The following SOS1 variants were observed in gnomAD, a reference collection of about 807,000 sequenced individuals.
SOS1 encodes the protein SOS Ras/Rac guanine nucleotide exchange factor 1, also known as son of sevenless homolog 1.
SOS1 carries 25 observed loss-of-function variants against 157.6 expected under a neutral mutation model. The observed-to-expected ratio is 0.16, with a 90% CI of 0.12 to 0.22. SOS1 has a LOEUF of 0.22. Among genes scored for constraint, SOS1 ranks in the 10% least tolerant of loss-of-function variants. The probability of loss-of-function intolerance (pLI) is 1.00; values close to 1 mark genes in which losing one functional copy is unlikely to be tolerated. For missense variants in SOS1, 1,237 were observed against 1,599.1 expected (o/e 0.77, Z 3.86); for synonymous variants, 528 against 534.0 (o/e 0.99, Z 0.16).
At chr2:39,077,202 G>GT (rs1251264712) in intron 1 of SOS1, among the ~76,000 whole-genome samples, 3 of 151,950 alleles carry the variant, frequency 2.0e-5, no homozygotes, top group African/African-American at 7.3e-5. Context: ...AATTAACTGG[G>GT]TGTGGTGGTG....
chr2:38,988,687 G>T (rs1174110749), intron 21 of SOS1, among the ~76,000 whole-genome samples: 1 of 151,932 alleles, frequency 6.6e-6, no homozygotes, highest in African/African-American at 2.4e-5. Flanking sequence ...TGTATGAAAG[G>T]ACAGCAAAAA....
At chr2:39,014,085 A>G in intron 11 of SOS1, 96 bp from the exon 12 acceptor site, 1 of 859,488 alleles carries the variant, frequency 1.2e-6, no homozygotes, top group Non-Finnish European at 1.9e-6. Context: ...CAAAATCAAG[A>G]GAATACTGTA....
chr2:38,994,308 T>C (rs1668824983), intron 20 of SOS1, among the ~76,000 whole-genome samples: 1 of 152,190 alleles, frequency 6.6e-6, no homozygotes, highest in Non-Finnish European at 1.5e-5. Flanking sequence ...CATATTTCTA[T>C]AGGACAGTGC....
Position 39,120,510 on chromosome 2 carries a change from A to G in SOS1, c.-88T>C. 1 of 1,209,490 alleles carries G rather than the reference A, an allele frequency of 8.3e-7. No individual in the cohort carries two copies. Among genetic ancestry groups the G allele is most frequent in the Non-Finnish European group, 1.0e-6 (1 of 972,586 alleles). 74.9% of individuals were successfully genotyped at this position (1,209,490 alleles called of 1,614,324 possible). Reference sequence around the variant, plus strand: ...AGAGGGCGAGCTCGCAGCGCGGAACAGGGCCGCGGCCCCACCGGACGGCCC... The same window carrying G: ...AGAGGGCGAGCTCGCAGCGCGGAACGGGGCCGCGGCCCCACCGGACGGCCC... On this transcript the variant is annotated 5_prime_UTR_variant, in exon 1 of 23. Coordinates refer to ENST00000402219, the MANE Select transcript of SOS1 (RefSeq NM_005633.4).
chr2:39,011,995 C>G, intron 14 of SOS1, 131 bp downstream of exon 14: 1 of 726,596 alleles, frequency 1.4e-6, no homozygotes, highest in South Asian at 1.5e-5. Context: ...CCTGCCTGGC[C>G]TTATTACTAG....
intron 6 of SOS1, among the ~76,000 whole-genome samples, chr2:39,050,661 C>G (rs969622832): frequency 6.6e-6 from 1 of 152,112 alleles, no homozygotes; most frequent in Non-Finnish European, 1.5e-5. Flanking sequence ...GATTTTGGAG[C>G]ATTTCATATT....
chr2:39,111,125 C>A (rs1468726931), intron 1 of SOS1, among the ~76,000 whole-genome samples: 1 of 152,008 alleles, frequency 6.6e-6, no homozygotes, highest in Non-Finnish European at 1.5e-5. Context: ...CCCAGCTAAT[C>A]GGGAGGCTGA....
At chr2:39,075,527 C>T (rs924290334) in intron 1 of SOS1, among the ~76,000 whole-genome samples, 12 of 151,668 alleles carry the variant, frequency 7.9e-5, no homozygotes, top group Non-Finnish European at 1.3e-4. Context: ...TTGAAAGTCA[C>T]GTGTGGTGGT....
At chr2:39,062,286 T>G (rs186353927) in intron 2 of SOS1, among the ~76,000 whole-genome samples, 31 of 151,596 alleles carry the variant, frequency 2.0e-4, no homozygotes, top group Middle Eastern at 3.4e-3. Flanking sequence ...AGCATGGTGG[T>G]GCTCGCTTGT....
chr2:39,117,564 T>C (rs1349415910), intron 1 of SOS1, among the ~76,000 whole-genome samples: 1 of 152,186 alleles, frequency 6.6e-6, no homozygotes, highest in Non-Finnish European at 1.5e-5. Flanking sequence ...CAAATATCAA[T>C]TGCTGTTAAT....
intron 8 of SOS1, among the ~76,000 whole-genome samples, chr2:39,028,371 C>CA (rs1670042073): frequency 6.6e-6 from 1 of 152,086 alleles, no homozygotes; most frequent in South Asian, 2.1e-4. Flanking sequence ...GACTAAAACT[C>CA]AAGAGTGTTT....
chr2:39,076,599 T>C (rs1289471259), intron 1 of SOS1, among the ~76,000 whole-genome samples: 1 of 152,102 alleles, frequency 6.6e-6, no homozygotes, highest in African/African-American at 2.4e-5. Context: ...CTAACAAATA[T>C]ACAAGCAAAA....
chr2:39,076,701 T>C (rs1672012328), intron 1 of SOS1, among the ~76,000 whole-genome samples: 1 of 152,054 alleles, frequency 6.6e-6, no homozygotes, highest in Non-Finnish European at 1.5e-5. Context: ...AATAGTGCAA[T>C]ACTAAAAGAA....
intron 6 of SOS1, 50 bp downstream of exon 6, chr2:39,051,094 A>T (rs749078292): frequency 1.3e-6 from 2 of 1,560,648 alleles, no homozygotes; most frequent in Non-Finnish European, 1.8e-6. Flanking sequence ...ATTTTAATGT[A>T]AATGTAGGCT....
intron 14 of SOS1, 77 bp downstream of exon 14, chr2:39,012,049 A>G (rs1669489454): frequency 9.3e-7 from 1 of 1,071,234 alleles, no homozygotes; most frequent in Non-Finnish European, 1.5e-6. Flanking sequence ...AAAACCCTAT[A>G]AGGCAGAAAT....
In SOS1 at chr2:39,120,564, C is replaced by T. The variant is rs1673840188; in HGVS notation, c.-142G>A. 2 of 988,440 alleles carry T rather than the reference C, an allele frequency of 2.0e-6. No individual in the cohort carries two copies. Among genetic ancestry groups the T allele is most frequent in the African/African-American group, 3.5e-5 (2 of 57,228 alleles). 61.2% of individuals were successfully genotyped at this position (988,440 alleles called of 1,614,324 possible). ...CCCCTCCGGGCGCCGCGCAGCCGGG[C>T]TAGCCCTGGCGAGGGGGCTGGGGGG... On this transcript the variant is annotated 5_prime_UTR_variant, in exon 1 of 23. The change abolishes the stop of an existing upstream ORF in the 5' untranslated region. Transcript: ENST00000402219.
chr2:39,045,024 T>C (rs1406260311), intron 6 of SOS1, among the ~76,000 whole-genome samples: 1 of 152,208 alleles, frequency 6.6e-6, no homozygotes, highest in Admixed American at 6.5e-5. Flanking sequence ...CTATCTAATA[T>C]AATGTACGTT....
chr2:39,016,423 T>A (rs1008087112), intron 10 of SOS1, among the ~76,000 whole-genome samples: 2 of 152,132 alleles, frequency 1.3e-5, no homozygotes, highest in African/African-American at 4.8e-5. Flanking sequence ...TCCTCAAAAG[T>A]TAAAGACTAA....
chr2:39,101,672 T>A (rs1672971742), intron 1 of SOS1, among the ~76,000 whole-genome samples: 1 of 150,168 alleles, frequency 6.7e-6, no homozygotes, highest in Non-Finnish European at 1.5e-5. Flanking sequence ...GAAAACAAAC[T>A]AGCAATGTCT....
Sources: gnomAD v4.1 joint callset for allele counts (sites outside exome capture counted in the v4.1 genomes callset) on GRCh38, gnomAD v4.1.1 for gene constraint, MANE v1.5 for transcripts, NCBI Gene and HGNC (gene_info 2026-07-23, HGNC 2026-07-21) for gene names.